Variants in GOLM1 observed in about 807,000 individuals in gnomAD.
GOLM1 encodes epididymis luminal protein 46.
GOLM1 carries 31 observed loss-of-function variants against 50.5 expected under a neutral mutation model. That is an observed-to-expected ratio of 0.61 (90% CI 0.46 to 0.83). The LOEUF (loss-of-function observed/expected upper bound fraction) is 0.83. Among genes scored for constraint, GOLM1 ranks in the 40% least tolerant of loss-of-function variants. The pLI, the probability that GOLM1 is intolerant of heterozygous loss-of-function variation, is 0.00. For synonymous variants in GOLM1, 178 were observed against 192.8 expected (o/e 0.92, Z 0.64); for missense variants, 491 against 501.3 (o/e 0.98, Z 0.20).
chr9:86,052,846 G>T (rs1833804978), intron 3 of GOLM1, among the ~76,000 whole-genome samples: 1 of 121,256 alleles, frequency 8.2e-6, no homozygotes, highest in Admixed American at 8.2e-5. Flanking sequence ...TCCAGCCCAG[G>T]AAACGCTGCT....
intron 6 of GOLM1, among the ~76,000 whole-genome samples, chr9:86,040,055 A>C (rs1348416970): frequency 6.6e-6 from 1 of 151,876 alleles, no homozygotes; most frequent in Non-Finnish European, 1.5e-5. Context: ...AAATCAAGAG[A>C]CACAAAGTAC....
At chr9:86,076,793 A>G (rs1834630041) in intron 3 of GOLM1, among the ~76,000 whole-genome samples, 1 of 150,778 alleles carries the variant, frequency 6.6e-6, no homozygotes, top group Non-Finnish European at 1.5e-5. Flanking sequence ...TGAACCCGGG[A>G]GGCAGAGTGA....
intron 4 of GOLM1, among the ~76,000 whole-genome samples, chr9:86,049,030 C>A (rs886408941): frequency 6.6e-6 from 1 of 152,160 alleles, no homozygotes; most frequent in Non-Finnish European, 1.5e-5. Context: ...AAGTCTTAAT[C>A]CATCTTGAAT....
At chr9:86,080,500 G>A (rs2118857735) in intron 1 of GOLM1, among the ~76,000 whole-genome samples, 1 of 152,236 alleles carries the variant, frequency 6.6e-6, no homozygotes, top group African/African-American at 2.4e-5. Flanking sequence ...AAAGACAAGG[G>A]ACGGGTAAGG....
At position 86,053,619 on chromosome 9, in the gene GOLM1, C is replaced by T. The variant is rs984086606; in HGVS notation, c.310-1028G>A. On this transcript the variant is annotated intron_variant, in intron 3 of 9. Transcript: ENST00000388712. ...CTCCACACACACATCACACACCACACCAAACATCACTACAAAACACACACC... is the reference window on the plus strand; with the variant it reads ...CTCCACACACACATCACACACCACATCAAACATCACTACAAAACACACACC... Among the ~76,000 whole-genome samples the T allele has an allele frequency of 1.6e-3, 95 of 59,036 alleles. 1 individual carries two copies. The highest frequency in any genetic ancestry group is 6.0e-3 in the African/African-American group (91 of 15,230). 38.7% of individuals were successfully genotyped at this position (59,036 alleles called of 152,430 possible).
At chr9:86,083,558 TTGTAC>T (rs1242922270) in intron 1 of GOLM1, among the ~76,000 whole-genome samples, 4 of 152,214 alleles carry the variant, frequency 2.6e-5, no homozygotes, top group Non-Finnish European at 5.9e-5. Flanking sequence ...CTAGTTTTTT[TTGTAC>T]TTTTAGTAGA....
chr9:86,059,346 G>A (rs1480936831), intron 3 of GOLM1, among the ~76,000 whole-genome samples: 2 of 152,168 alleles, frequency 1.3e-5, no homozygotes, highest in Admixed American at 6.5e-5. Context: ...TCCACCTAAG[G>A]GACTATCGTT....
intron 1 of GOLM1, among the ~76,000 whole-genome samples, chr9:86,091,322 T>C (rs1239062767): frequency 1.3e-5 from 2 of 152,232 alleles, no homozygotes; most frequent in South Asian, 2.1e-4. Context: ...ATAAACAACT[T>C]ACCCACATTT....
At chr9:86,059,546 G>A (rs573028378) in intron 3 of GOLM1, among the ~76,000 whole-genome samples, 2 of 152,288 alleles carry the variant, frequency 1.3e-5, no homozygotes, top group African/African-American at 2.4e-5. Context: ...GGGGCTAGGG[G>A]AAGAGGGAAA....
At chr9:86,065,341 A>C (rs1176346225) in intron 3 of GOLM1, among the ~76,000 whole-genome samples, 1 of 152,236 alleles carries the variant, frequency 6.6e-6, no homozygotes, top group Non-Finnish European at 1.5e-5. Flanking sequence ...ACGGACTGAC[A>C]GAACTGGACC....
chr9:86,075,834 A>C (rs544113634), intron 3 of GOLM1, among the ~76,000 whole-genome samples: 1 of 152,192 alleles, frequency 6.6e-6, no homozygotes, highest in South Asian at 2.1e-4. Context: ...CACAAAAAGC[A>C]TATCTCACCA....
intron 9 of GOLM1, among the ~76,000 whole-genome samples, chr9:86,029,713 TTAAAA>T (rs563784680): frequency 7.1e-4 from 108 of 152,348 alleles, no homozygotes; most frequent in African/African-American, 2.5e-3. Context: ...TGACACAATC[TTAAAA>T]TAATGTTGAA....
intron 3 of GOLM1, among the ~76,000 whole-genome samples, chr9:86,074,359 AAAG>A (rs1382845408): frequency 6.6e-6 from 1 of 152,176 alleles, no homozygotes; most frequent in East Asian, 1.9e-4. Flanking sequence ...AAGGAGATCT[AAAG>A]AAGATGTTTT....
chr9:86,037,952 C>T (rs921960540), intron 6 of GOLM1, among the ~76,000 whole-genome samples: 21 of 151,836 alleles, frequency 1.4e-4, no homozygotes, highest in African/African-American at 5.1e-4. Context: ...GTCGGGAGTT[C>T]AAGACCAGCT....
In GOLM1 at chr9:86,061,114, G is replaced by A. The variant is rs115411355; in HGVS notation, c.310-8523C>T. On this transcript the variant is annotated intron_variant, in intron 3 of 9. Transcript: ENST00000388712. ...TAATCGCTGAAGCTTGGCACTGGATGTGTGGGGGCTCACTGGGTCACTCTG... is the reference window on the plus strand; with the variant it reads ...TAATCGCTGAAGCTTGGCACTGGATATGTGGGGGCTCACTGGGTCACTCTG... 2.0e-3 allele frequency among the ~76,000 whole-genome samples: 305 copies of A among 152,166 alleles called. 2 individuals carry two copies. Among genetic ancestry groups the A allele is most frequent in the African/African-American group, 7.0e-3 (290 of 41,506 alleles).
chr9:86,094,409 C>T (rs958193471), intron 1 of GOLM1, among the ~76,000 whole-genome samples: 3 of 152,190 alleles, frequency 2.0e-5, no homozygotes. Flanking sequence ...GCTTTAAAAA[C>T]TTACTAGGAA....
At chr9:86,075,121 A>C (rs1463113845) in intron 3 of GOLM1, among the ~76,000 whole-genome samples, 1 of 152,154 alleles carries the variant, frequency 6.6e-6, no homozygotes, top group Non-Finnish European at 1.5e-5. Flanking sequence ...CGCAAGAAGA[A>C]GGCATCCATG....
In GOLM1 at chr9:86,031,124, C is replaced by A. The variant is rs140963567; in HGVS notation, c.1129+2158G>T. On this transcript the variant is annotated intron_variant, in intron 9 of 9. Coordinates refer to ENST00000388712, the MANE Select transcript of GOLM1 (RefSeq NM_016548.4). ...GCTCGGGAGGCTGAAGCAGGAGAAT[C>A]GCTTGAACCCGGGAGGCAGAGGTTG... Among the ~76,000 whole-genome samples the A allele has an allele frequency of 5.9e-5, 9 of 152,034 alleles. No homozygotes were observed. In the South Asian group the frequency reaches 1.9e-3, roughly 32 times the overall value.
chr9:86,040,693 G>C, intron 6 of GOLM1, 46 bp downstream of exon 6: 1 of 1,578,370 alleles, frequency 6.3e-7, no homozygotes, highest in South Asian at 1.2e-5. Flanking sequence ...AATGCCTGAA[G>C]ATAGGGGTAC....
Sources: allele counts gnomAD v4.1 joint callset (sites outside exome capture counted in the v4.1 genomes callset), GRCh38; gene constraint gnomAD v4.1.1; transcripts MANE v1.5; gene names NCBI Gene and HGNC (gene_info 2026-07-23, HGNC 2026-07-21).